SPTLC1: variants seen among roughly 807,000 people sequenced by gnomAD.
SPTLC1 encodes serine palmitoyltransferase 1.
A neutral mutation model predicts 68.9 loss-of-function variants in SPTLC1; 55 were observed. The ratio of observed to expected loss-of-function variants is 0.80; its 90% CI spans 0.64 to 1.00. The LOEUF (loss-of-function observed/expected upper bound fraction) is 1.00. Among genes scored for constraint, SPTLC1 ranks in the 50% least tolerant of loss-of-function variants. The probability of loss-of-function intolerance (pLI) is 0.00; values close to 1 mark genes in which losing one functional copy is unlikely to be tolerated. For missense variants in SPTLC1, 449 were observed against 573.1 expected (o/e 0.78, Z 2.21); for synonymous variants, 197 against 201.6 (o/e 0.98, Z 0.19).
intron 3 of SPTLC1, among the ~76,000 whole-genome samples, chr9:92,097,926 AG>A (rs1476061458): frequency 2.0e-5 from 3 of 152,366 alleles, no homozygotes; most frequent in Admixed American, 1.3e-4. Flanking sequence ...TTCTGTCTAA[AG>A]GAAAAAAATC....
rs1449104114 is a variant in SPTLC1, at chr9:92,059,570, A to G, written c.561-262T>C. On this transcript the variant is annotated intron_variant, in intron 6 of 14. Transcript: ENST00000262554. ...CTCTGAAATTAGCATGCATCTTACTATGGATGACATATCAGTTTATTCACA... is the reference window on the plus strand; with the variant it reads ...CTCTGAAATTAGCATGCATCTTACTGTGGATGACATATCAGTTTATTCACA... Among the ~76,000 whole-genome samples the G allele has an allele frequency of 2.0e-5, 3 of 152,208 alleles. No homozygotes were observed. The East Asian group carries it at 5.8e-4, about 29-fold the overall frequency.
intron 11 of SPTLC1, chr9:92,046,254 A>C (rs1032280656): frequency 1.7e-6 from 1 of 595,076 alleles, no homozygotes; most frequent in East Asian, 2.8e-5. Context: ...TTCTCACCTC[A>C]GTATCCCACT....
At chr9:92,100,694 T>C (rs1835714050) in intron 3 of SPTLC1, among the ~76,000 whole-genome samples, 1 of 151,686 alleles carries the variant, frequency 6.6e-6, no homozygotes. Context: ...AGTAACACAG[T>C]CACTAGATAG....
intron 12 of SPTLC1, among the ~76,000 whole-genome samples, chr9:92,040,532 G>C (rs1833307667): frequency 6.6e-6 from 1 of 151,956 alleles, no homozygotes; most frequent in South Asian, 2.1e-4. Context: ...GCCAAGGTTG[G>C]GGGGATCACG....
At chr9:92,076,236 T>C (rs922218629) in intron 5 of SPTLC1, among the ~76,000 whole-genome samples, 63 of 152,288 alleles carry the variant, frequency 4.1e-4, no homozygotes, top group African/African-American at 1.4e-3. Flanking sequence ...CTATTATCAA[T>C]GCCCCCTTAA....
intron 2 of SPTLC1, chr9:92,111,408 A>T (rs1836237958): frequency 6.6e-6 from 1 of 152,210 alleles, no homozygotes; most frequent in South Asian, 2.1e-4. Context: ...CTAATCAAGA[A>T]CTATTAAACT....
chr9:92,104,448 G>C, intron 3 of SPTLC1: 1 of 1,388,160 alleles, frequency 7.2e-7, no homozygotes, highest in South Asian at 1.4e-5. Context: ...TTATCCCTCG[G>C]AACACGGGCA....
rs76476269 is a variant in SPTLC1, at chr9:92,050,806, T to C, written c.781-739A>G. 1.1e-3 allele frequency among the ~76,000 whole-genome samples: 154 copies of C among 134,074 alleles called. 1 individual carries two copies. In the East Asian group the frequency reaches 0.02, roughly 17 times the overall value. 88.0% of individuals were successfully genotyped at this position (134,074 alleles called of 152,430 possible). On this transcript the variant is annotated intron_variant, in intron 8 of 14. Coordinates refer to ENST00000262554, the MANE Select transcript of SPTLC1 (RefSeq NM_006415.4). ...ATTCACTTAACAAAAGACAGCACAATACTGATTTTTTTTTTTTTTTTTTTG... is the reference window on the plus strand; with the variant it reads ...ATTCACTTAACAAAAGACAGCACAACACTGATTTTTTTTTTTTTTTTTTTG...
intron 3 of SPTLC1, among the ~76,000 whole-genome samples, chr9:92,084,746 C>T (rs1835042416): frequency 6.6e-6 from 1 of 151,774 alleles, no homozygotes; most frequent in Non-Finnish European, 1.5e-5. Context: ...CAGGATGATG[C>T]TGGCCTCATA....
intron 3 of SPTLC1, among the ~76,000 whole-genome samples, chr9:92,097,867 A>C (rs1271788662): frequency 6.6e-6 from 1 of 152,214 alleles, no homozygotes; most frequent in Non-Finnish European, 1.5e-5. Flanking sequence ...AAAACCTTAC[A>C]CTTCAAAATG....
chr9:92,083,191 G>A (rs1351390056), intron 3 of SPTLC1, among the ~76,000 whole-genome samples: 2 of 152,166 alleles, frequency 1.3e-5, no homozygotes, highest in East Asian at 1.9e-4. Flanking sequence ...TTTGTAGGTT[G>A]CCTCTTCACT....
In SPTLC1 at chr9:92,031,639, T is replaced by G. The variant is rs1279977880; in HGVS notation, c.*826A>C. 1.3e-5 allele frequency: 2 copies of G among 152,438 alleles called. No homozygotes were observed. Among genetic ancestry groups the G allele is most frequent in the Non-Finnish European group, 2.9e-5 (2 of 68,002 alleles). The allele number at this position is 152,438 out of a possible 1,614,324, so 9.4% of individuals were successfully genotyped here. On this transcript the variant is annotated 3_prime_UTR_variant, in exon 15 of 15. Coordinates refer to ENST00000262554, the MANE Select transcript of SPTLC1 (RefSeq NM_006415.4). ...CCCACCATACAAAAAAGGAATACAT[T>G]TGAGATATTCTAAAATATAAAGGAT...
chr9:92,076,706 C>T (rs1238435639), intron 5 of SPTLC1: 2 of 152,314 alleles, frequency 1.3e-5, no homozygotes, highest in East Asian at 3.9e-4. Context: ...AAACCTCCTC[C>T]TTTCCTTATG....
intron 14 of SPTLC1, among the ~76,000 whole-genome samples, chr9:92,034,502 G>C (rs1381755947): frequency 6.6e-6 from 1 of 152,160 alleles, no homozygotes; most frequent in Non-Finnish European, 1.5e-5. Flanking sequence ...TCCTGGTGTG[G>C]CATGTGCCAC....
At chr9:92,106,039 G>C (rs1000445570) in intron 3 of SPTLC1, among the ~76,000 whole-genome samples, 4 of 139,538 alleles carry the variant, frequency 2.9e-5, no homozygotes, top group African/African-American at 1.1e-4. Context: ...CCTCTGCCCG[G>C]CCCCCTCACC....
intron 1 of SPTLC1, chr9:92,115,081 G>C (rs1836398884): frequency 5.1e-6 from 3 of 586,456 alleles, no homozygotes; most frequent in Non-Finnish European, 9.2e-6. Flanking sequence ...CAGGGGACCC[G>C]GAGCATAAGA....
At chr9:92,038,425 G>A (rs751152056) in intron 12 of SPTLC1, 60 bp from the exon 13 acceptor site, 12 of 1,107,278 alleles carry the variant, frequency 1.1e-5, no homozygotes, top group African/African-American at 4.6e-5. Flanking sequence ...GATCGCTCAC[G>A]GAGAAATAAT....
intron 5 of SPTLC1, among the ~76,000 whole-genome samples, chr9:92,075,874 C>T (rs546265095): frequency 6.6e-6 from 1 of 152,184 alleles, no homozygotes; most frequent in African/African-American, 2.4e-5. Flanking sequence ...ATCCACACAA[C>T]TGTATTTCCT....
intron 8 of SPTLC1, among the ~76,000 whole-genome samples, chr9:92,054,506 G>A (rs79684809): frequency 0.024 from 3,693 of 152,270 alleles, 60 homozygotes; most frequent in Middle Eastern, 0.082. Flanking sequence ...CTTGACTGTG[G>A]TGGTGGATGG....
Sources: allele counts gnomAD v4.1 joint callset (sites outside exome capture counted in the v4.1 genomes callset), GRCh38; gene constraint gnomAD v4.1.1; transcripts MANE v1.5; gene names NCBI Gene and HGNC (gene_info 2026-07-23, HGNC 2026-07-21).